PTBP1: variants seen among roughly 807,000 people sequenced by gnomAD.
The protein encoded by PTBP1 is polypyrimidine tract-binding protein 1.
In PTBP1, 8 loss-of-function variants were observed where a neutral mutation model predicts 59.8. The ratio of observed to expected loss-of-function variants is 0.13; its 90% CI spans 0.08 to 0.24. The LOEUF (loss-of-function observed/expected upper bound fraction) is 0.24, where lower values mean the gene tolerates loss of function less well. PTBP1 is among the 10% of genes least tolerant of loss of function. The probability of loss-of-function intolerance (pLI) is 1.00; values close to 1 mark genes in which losing one functional copy is unlikely to be tolerated. For synonymous variants in PTBP1, 490 were observed against 320.7 expected, an observed-to-expected ratio of 1.53 and a Z score of -5.64; for missense variants, 686 against 767.0, an observed-to-expected ratio of 0.89 and a Z score of 1.25.
At chr19:801,975 T>TCATTCTCTGACCCTA (rs1344349094) in intron 2 of PTBP1, among the ~76,000 whole-genome samples, 1 of 152,190 alleles carries the variant, frequency 6.6e-6, no homozygotes, top group Non-Finnish European at 1.5e-5. Flanking sequence ...TGGACACTGT[T>TCATTCTCTGACCCTA]CATTCTCTGA....
intron 2 of PTBP1, 44 bp from the exon 3 acceptor site, chr19:803,517 G>A: frequency 6.4e-7 from 1 of 1,562,456 alleles, no homozygotes; most frequent in East Asian, 2.2e-5. Context: ...GGGAGGCTCT[G>A]GCCTGGTGGG....
chr19:808,285 G>C lies in PTBP1; in HGVS notation c.1154-75G>C. On this transcript the variant is annotated intron_variant, in intron 11 of 14. Transcript: ENST00000356948. This position sits in a 1 kb window ranked among gnomAD's most constrained non-coding sequence, Gnocchi z 4.7. ...GCTGAGCCGGGCCTTGTGGGGGTGCGCGGGGCCGGGGCTGACGGGGAGATG... is the reference window on the plus strand; with the variant it reads ...GCTGAGCCGGGCCTTGTGGGGGTGCCCGGGGCCGGGGCTGACGGGGAGATG... The C allele has an allele frequency of 1.6e-6, 2 of 1,274,444 alleles. No individual in the cohort carries two copies. Among genetic ancestry groups the C allele is most frequent in the Middle Eastern group, 2.6e-4 (1 of 3,864 alleles). The allele number at this position is 1,274,444 out of a possible 1,614,324, so 78.9% of individuals were successfully genotyped here. A position where few individuals can be genotyped will look rare whatever the true frequency, so the allele number is the denominator to read the frequency against.
At chr19:801,081 G>A (rs1173760132) in intron 2 of PTBP1, among the ~76,000 whole-genome samples, 1 of 148,578 alleles carries the variant, frequency 6.7e-6, no homozygotes, top group Non-Finnish European at 1.5e-5. Context: ...CTGTCCTTTA[G>A]CCCAGGACAG....
chr19:800,295 T>C (rs1191306292), intron 2 of PTBP1, among the ~76,000 whole-genome samples: 1 of 151,994 alleles, frequency 6.6e-6, no homozygotes, highest in Non-Finnish European at 1.5e-5. Context: ...AGGTGGTGTT[T>C]GGGGCAAGAG....
At position 808,632 on chromosome 19, in the gene PTBP1, G is replaced by A. The variant is rs1367610568; in HGVS notation, c.1333G>A (p.Glu445Lys). The change falls in exon 13 of 15, where the codon GAG becomes AAG. Residue 445 changes from glutamate (E) to lysine (K), a missense_variant. Physicochemically the swap from Glu to Lys is moderately conservative, Grantham distance 56 (BLOSUM62 1). Coordinates refer to ENST00000356948, the MANE Select transcript of PTBP1 (RefSeq NM_002819.5). The surrounding 1 kb of genome is among the most constrained non-coding windows in gnomAD (Gnocchi z 4.7). ...SKHQNVQLPR[E>K]GQEDQGLTKD... The stretch of plus-strand genomic sequence containing the variant: ...GCACCAGAACGTGCAGCTGCCCCGC[G>A]AGGGCCAGGAGGACCAGGGCCTGAC... 11 of 1,611,194 alleles carry A rather than the reference G, an allele frequency of 6.8e-6. No homozygotes were observed. The highest frequency in any genetic ancestry group is 1.3e-5 in the African/African-American group (1 of 74,858).
intron 8 of PTBP1, 69 bp downstream of exon 8, chr19:805,256 G>A (rs572941428): frequency 9.7e-6 from 15 of 1,549,070 alleles, no homozygotes; most frequent in Middle Eastern, 4.3e-4. Context: ...CCGGAGCCCC[G>A]GCGGCACGGG....
chr19:810,882 AAAGCCACTTTAAAAACAGC>A lies in PTBP1; in HGVS notation c.*57_*75del. On this transcript the variant is annotated 3_prime_UTR_variant, in exon 15 of 15. Coordinates refer to ENST00000356948, the MANE Select transcript of PTBP1 (RefSeq NM_002819.5). Reference sequence around the variant, plus strand: ...GCGACAACTTCCATCATTCCAGAGAAAAGCCACTTTAAAAACAGCTGAAGTGACCTTAGCAGACCAGAGA... The same window carrying A: ...GCGACAACTTCCATCATTCCAGAGAATGAAGTGACCTTAGCAGACCAGAGA... The A allele has an allele frequency of 6.8e-7, 1 of 1,475,750 alleles. No homozygotes were observed. Among genetic ancestry groups the A allele is most frequent in the African/African-American group, 1.4e-5 (1 of 69,528 alleles). 91.4% of individuals were successfully genotyped at this position (1,475,750 alleles called of 1,614,324 possible).
In PTBP1 at chr19:804,471, G is replaced by C. The variant is rs761874116; in HGVS notation, c.435+33G>C. On this transcript the variant is annotated intron_variant, in intron 5 of 14. Coordinates refer to ENST00000356948, the MANE Select transcript of PTBP1 (RefSeq NM_002819.5). Reference sequence around the variant, plus strand: ...GCCCCGCGGCGGACCCCAGCAGCCCGGGGACCTCGGGGGTGGGCCCAGCCG... The same window carrying C: ...GCCCCGCGGCGGACCCCAGCAGCCCCGGGACCTCGGGGGTGGGCCCAGCCG... 3 of 1,596,730 alleles carry C rather than the reference G, an allele frequency of 1.9e-6. No individual in the cohort carries two copies. In the African/African-American group the frequency reaches 4.0e-5, roughly 21 times the overall value.
At chr19:806,249 G>A (rs1456760545) in intron 9 of PTBP1, 159 bp from the exon 10 acceptor site, 1 of 737,394 alleles carries the variant, frequency 1.4e-6, no homozygotes, top group Non-Finnish European at 2.0e-6. Context: ...GGCTGTGCGG[G>A]GGTCGGACGA....
Position 803,535 on chromosome 19 carries a change from GCT to G in PTBP1, c.40-24_40-23del, listed in dbSNP as rs765340128. The G allele has an allele frequency of 6.8e-4, 1,086 of 1,604,406 alleles. 6 individuals carry two copies. Among genetic ancestry groups the G allele is most frequent in the Middle Eastern group, 2.8e-3 (17 of 6,046 alleles). ...AGGCTCTGGCCTGGTGGGAAGTGCA[GCT>G]CCGCGTTGTCCCTTCTCTTGCAGCG... On this transcript the variant is annotated intron_variant, in intron 2 of 14. Transcript: ENST00000356948.
rs369048722 is a variant in PTBP1, at chr19:808,517, G to A, written c.1247-29G>A. The A allele has an allele frequency of 1.2e-5, 19 of 1,562,332 alleles. No individual in the cohort carries two copies. Among genetic ancestry groups the A allele is most frequent in the Middle Eastern group, 2.3e-4 (1 of 4,376 alleles). ...GCGGGGGCTGCGTTCCCTCTCGGGC[G>A]CCTGGTCACGCGGGTGCTGCTCCCC... On this transcript the variant is annotated intron_variant, in intron 12 of 14. Coordinates refer to ENST00000356948, the MANE Select transcript of PTBP1 (RefSeq NM_002819.5). This position sits in a 1 kb window ranked among gnomAD's most constrained non-coding sequence, Gnocchi z 4.7.
At chr19:800,047 C>A (rs941868814) in intron 2 of PTBP1, among the ~76,000 whole-genome samples, 1 of 151,944 alleles carries the variant, frequency 6.6e-6, no homozygotes, top group African/African-American at 2.4e-5. Context: ...CTGCCTCAAC[C>A]TCCTGAGTAG....
chr19:809,487 A>AT (rs1414648402), intron 13 of PTBP1, among the ~76,000 whole-genome samples: 2 of 151,742 alleles, frequency 1.3e-5, no homozygotes, highest in East Asian at 1.9e-4. Context: ...CGCCCGGCTA[A>AT]TTTTTTGTAT....
chr19:808,292 C>G lies in PTBP1; in HGVS notation c.1154-68C>G, dbSNP rs571354926. The G allele has an allele frequency of 6.0e-6, 8 of 1,337,364 alleles. No homozygotes were observed. The African/African-American group carries it at 8.7e-5, about 15-fold the overall frequency. The allele number at this position is 1,337,364 out of a possible 1,614,324, so 82.8% of individuals were successfully genotyped here. ...CGGGCCTTGTGGGGGTGCGCGGGGC[C>G]GGGGCTGACGGGGAGATGGGCGGGG... On this transcript the variant is annotated intron_variant, in intron 11 of 14. Coordinates refer to ENST00000356948, the MANE Select transcript of PTBP1 (RefSeq NM_002819.5). The surrounding 1 kb of genome is among the most constrained non-coding windows in gnomAD (Gnocchi z 4.7).
intron 9 of PTBP1, 99 bp downstream of exon 9, chr19:805,668 A>T (rs2034532046): frequency 2.9e-6 from 3 of 1,030,218 alleles, no homozygotes; most frequent in Non-Finnish European, 4.6e-6. Flanking sequence ...CGGACTGGGC[A>T]CTCGAGTGCC....
intron 1 of PTBP1, among the ~76,000 whole-genome samples, chr19:797,738 C>T (rs1162537318): frequency 4.7e-5 from 7 of 148,266 alleles, no homozygotes; most frequent in Non-Finnish European, 1.1e-4. Context: ...CCCGCGCGCC[C>T]CGTCCCTAGC....
intron 10 of PTBP1, chr19:807,219 A>C (rs895452065): frequency 5.2e-5 from 8 of 152,434 alleles, no homozygotes; most frequent in African/African-American, 1.9e-4. Flanking sequence ...GAGGCCGTGC[A>C]CTAACAGACT....
intron 2 of PTBP1, 111 bp from the exon 3 acceptor site, chr19:803,450 G>GT: frequency 1.2e-6 from 1 of 865,956 alleles, no homozygotes; most frequent in Non-Finnish European, 1.9e-6. Flanking sequence ...GTGGGTATGG[G>GT]TTGGGGGTCT....
Position 804,931 on chromosome 19 carries a change from G to A in PTBP1, c.709G>A (p.Ala237Thr). The change falls in exon 7 of 15, where the codon GCC (alanine) becomes ACC (threonine). Residue 237 changes from alanine (A) to threonine (T), a missense_variant. By Grantham distance (58) the Ala-to-Thr change is moderately conservative. Coordinates refer to ENST00000356948, the MANE Select transcript of PTBP1 (RefSeq NM_002819.5). ...QYADPVSAQH[A>T]KLSLDGQNIY... ...TGCGGACCCCGTGAGCGCCCAGCAC[G>A]CCAAGCTGGTGAGTGGGGCTCCCGG... 1 of 1,613,728 alleles carries A rather than the reference G, an allele frequency of 6.2e-7. No individual in the cohort carries two copies. The highest frequency in any genetic ancestry group is 8.5e-7 in the Non-Finnish European group (1 of 1,179,792).
Sources: gnomAD v4.1 joint callset for allele counts (sites outside exome capture counted in the v4.1 genomes callset) on GRCh38, gnomAD v4.1.1 for gene constraint, Gnocchi (gnomAD v3.1) non-coding constraint, MANE v1.5 for transcripts, NCBI Gene and HGNC (gene_info 2026-07-23, HGNC 2026-07-21) for gene names.